Variants in RYR2 observed in about 807,000 individuals in gnomAD.
RYR2 encodes the protein cardiac muscle ryanodine receptor-calcium release channel.
A neutral mutation model predicts 601.1 loss-of-function variants in RYR2; 227 were observed. The ratio of observed to expected loss-of-function variants is 0.38; its 90% CI spans 0.34 to 0.42. RYR2 has a LOEUF of 0.42. Among genes scored for constraint, RYR2 ranks in the 10% least tolerant of loss-of-function variants. RYR2 has a pLI of 1.00. For synonymous variants in RYR2, 2,223 were observed against 2,175.1 expected (o/e 1.02, Z -0.61); for missense variants, 4,646 against 6,156.5 (o/e 0.75, Z 8.21).
intron 100 of RYR2, among the ~76,000 whole-genome samples, chr1:237,816,049 C>T (rs143557824): frequency 1.1e-4 from 16 of 152,234 alleles, no homozygotes; most frequent in South Asian, 2.1e-4. Flanking sequence ...TGCTGTCACA[C>T]GCAGTTCCTC....
intron 99 of RYR2, 30 bp downstream of exon 99, chr1:237,806,313 A>T (rs749167667): frequency 1.9e-5 from 30 of 1,582,670 alleles, no homozygotes; most frequent in Non-Finnish European, 2.1e-5. Context: ...CCTCCCTTGC[A>T]GAAAATAAAA....
intron 37 of RYR2, among the ~76,000 whole-genome samples, chr1:237,616,698 G>A (rs567103800): frequency 6.6e-6 from 1 of 152,276 alleles, no homozygotes; most frequent in Non-Finnish European, 1.5e-5. Context: ...CTGAAAGGGA[G>A]GCTGGGAGGG....
At chr1:237,578,243 G>A (rs1315556633) in intron 29 of RYR2, among the ~76,000 whole-genome samples, 1 of 152,142 alleles carries the variant, frequency 6.6e-6, no homozygotes, top group Non-Finnish European at 1.5e-5. Context: ...AAGGTGAAGG[G>A]GGGTGTGATC....
intron 29 of RYR2, among the ~76,000 whole-genome samples, chr1:237,573,519 G>A (rs1343297735): frequency 6.7e-6 from 1 of 149,132 alleles, no homozygotes; most frequent in Non-Finnish European, 1.5e-5. Flanking sequence ...CCCAGTTCTG[G>A]AAGAGGATAG....
intron 25 of RYR2, among the ~76,000 whole-genome samples, chr1:237,545,183 G>C (rs1260038249): frequency 2.0e-5 from 3 of 152,186 alleles, no homozygotes; most frequent in Non-Finnish European, 2.9e-5. Context: ...ACAGATTAAA[G>C]CAATTCTAGA....
intron 4 of RYR2, among the ~76,000 whole-genome samples, chr1:237,358,342 G>T (rs1699474771): frequency 6.6e-6 from 1 of 152,048 alleles, no homozygotes; most frequent in Non-Finnish European, 1.5e-5. Context: ...TTTCTTGCTT[G>T]CCCCGCCGGG....
intron 34 of RYR2, among the ~76,000 whole-genome samples, chr1:237,597,486 T>G (rs1316851495): frequency 1.3e-5 from 2 of 151,838 alleles, no homozygotes; most frequent in African/African-American, 4.8e-5. Context: ...TTCACGATGT[T>G]GGCCAGGATG....
intron 12 of RYR2, among the ~76,000 whole-genome samples, chr1:237,438,197 T>C (rs552775902): frequency 3.9e-5 from 6 of 152,292 alleles, no homozygotes; most frequent in African/African-American, 1.4e-4. Context: ...TATGTATGTG[T>C]TTTCCTTTAT....
chr1:237,541,902 C>G (rs1669312383), intron 25 of RYR2, among the ~76,000 whole-genome samples: 2 of 152,062 alleles, frequency 1.3e-5, no homozygotes, highest in South Asian at 4.2e-4. Flanking sequence ...GGAATGTCAT[C>G]AGTTAAGGCG....
intron 1 of RYR2, among the ~76,000 whole-genome samples, chr1:237,218,364 T>G (rs1221323048): frequency 1.3e-5 from 2 of 152,160 alleles, no homozygotes; most frequent in Non-Finnish European, 2.9e-5. Context: ...TATTAATCAT[T>G]GAACACCTAC....
At chr1:237,107,539 A>G (rs1199062945) in intron 1 of RYR2, among the ~76,000 whole-genome samples, 1 of 150,286 alleles carries the variant, frequency 6.7e-6, no homozygotes, top group South Asian at 2.1e-4. Flanking sequence ...AAAAAAAAGG[A>G]AACATTGTAG....
chr1:237,372,235 T>A (rs1361743217), intron 6 of RYR2, among the ~76,000 whole-genome samples: 1 of 152,214 alleles, frequency 6.6e-6, no homozygotes, highest in Non-Finnish European at 1.5e-5. Context: ...ATATCATTTC[T>A]TTTAATGTGT....
intron 1 of RYR2, among the ~76,000 whole-genome samples, chr1:237,172,660 T>C (rs1404744976): frequency 6.6e-6 from 1 of 152,230 alleles, no homozygotes; most frequent in African/African-American, 2.4e-5. Flanking sequence ...TGCTGTAGGT[T>C]GTTTCTGGCA....
intron 56 of RYR2, among the ~76,000 whole-genome samples, chr1:237,663,288 T>C (rs1234386278): frequency 6.6e-6 from 1 of 152,348 alleles, no homozygotes; most frequent in African/African-American, 2.4e-5. Flanking sequence ...TGTTACTGAT[T>C]TCCTATGTGA....
At chr1:237,538,610 A>G (rs553194196) in intron 25 of RYR2, among the ~76,000 whole-genome samples, 1 of 151,434 alleles carries the variant, frequency 6.6e-6, no homozygotes, top group South Asian at 2.1e-4. Flanking sequence ...TGTCTCTACT[A>G]AAAATACAAA....
intron 28 of RYR2, among the ~76,000 whole-genome samples, chr1:237,567,531 A>C (rs914359853): frequency 1.3e-5 from 2 of 151,962 alleles, no homozygotes; most frequent in Admixed American, 1.3e-4. Flanking sequence ...TCGAGGCTGC[A>C]ATGAGCCATG....
intron 2 of RYR2, among the ~76,000 whole-genome samples, chr1:237,291,754 G>A (rs1692221748): frequency 1.3e-5 from 2 of 152,220 alleles, no homozygotes; most frequent in South Asian, 2.1e-4. Flanking sequence ...GAGGTTGCCA[G>A]GGATAAGGGG....
chr1:237,523,572 T>C (rs1433188324), intron 24 of RYR2, among the ~76,000 whole-genome samples: 5 of 151,860 alleles, frequency 3.3e-5, no homozygotes, highest in African/African-American at 7.3e-5. Flanking sequence ...CCATCTCTAC[T>C]AAAAATACAA....
chr1:237,270,968 AT>A (rs949552130), intron 2 of RYR2, among the ~76,000 whole-genome samples: 1 of 152,170 alleles, frequency 6.6e-6, no homozygotes, highest in Non-Finnish European at 1.5e-5. Flanking sequence ...GGCTCATTGT[AT>A]TTTTTTATAA....
Sources: gnomAD v4.1 joint callset for allele counts (sites outside exome capture counted in the v4.1 genomes callset) on GRCh38, gnomAD v4.1.1 for gene constraint, MANE v1.5 for transcripts, NCBI Gene and HGNC (gene_info 2026-07-23, HGNC 2026-07-21) for gene names.